Variants in CDH8 observed in about 807,000 individuals in gnomAD.
CDH8 encodes the protein cadherin 8.
CDH8 carries 17 observed loss-of-function variants against 68.1 expected under a neutral mutation model. The observed-to-expected ratio is 0.25, with a 90% confidence interval of 0.17 to 0.37. The LOEUF (loss-of-function observed/expected upper bound fraction) is 0.37. CDH8 is among the 10% of genes least tolerant of loss of function. The probability of loss-of-function intolerance (pLI) is 1.00; values close to 1 mark genes in which losing one functional copy is unlikely to be tolerated. For missense variants in CDH8, 763 were observed against 999.3 expected (o/e 0.76, Z 3.19); for synonymous variants, 372 against 365.1 (o/e 1.02, Z -0.21).
At chr16:61,661,008 A>C (rs2142754824) in intron 10 of CDH8, among the ~76,000 whole-genome samples, 1 of 152,156 alleles carries the variant, frequency 6.6e-6, no homozygotes, top group South Asian at 2.1e-4. Flanking sequence ...AGAGACAATA[A>C]GTATCTACTT....
chr16:61,960,043 ATATGTATGTATGTGTGTGTG>A (rs1965079398), intron 2 of CDH8, among the ~76,000 whole-genome samples: 1 of 133,096 alleles, frequency 7.5e-6, no homozygotes, highest in Non-Finnish European at 1.6e-5. Context: ...CACACAACAT[ATATGTATGTATGTGTGTGTG>A]TATACACATA....
chr16:61,922,292 T>C (rs548272101), intron 2 of CDH8, among the ~76,000 whole-genome samples: 2 of 152,194 alleles, frequency 1.3e-5, no homozygotes, highest in Admixed American at 6.5e-5. Flanking sequence ...ATATTTTCCA[T>C]GCAAATTTTG....
chr16:61,835,332 A>G (rs956054900), intron 4 of CDH8, among the ~76,000 whole-genome samples: 19 of 151,934 alleles, frequency 1.3e-4, no homozygotes, highest in African/African-American at 4.6e-4. Context: ...ACAGCTTCTT[A>G]ATTATCCCAC....
At chr16:61,875,052 G>C (rs930705013) in intron 3 of CDH8, among the ~76,000 whole-genome samples, 2 of 152,138 alleles carry the variant, frequency 1.3e-5, no homozygotes, top group Non-Finnish European at 2.9e-5. Flanking sequence ...AGCAAGTTAG[G>C]AAGTCCTTTA....
At chr16:61,869,143 C>T (rs1442178974) in intron 3 of CDH8, among the ~76,000 whole-genome samples, 3 of 152,136 alleles carry the variant, frequency 2.0e-5, no homozygotes, top group African/African-American at 7.2e-5. Flanking sequence ...TCTGTATTCT[C>T]ACTTCCTTAG....
At chr16:61,697,567 C>T (rs1394563142) in intron 10 of CDH8, among the ~76,000 whole-genome samples, 1 of 151,762 alleles carries the variant, frequency 6.6e-6, no homozygotes, top group African/African-American at 2.4e-5. Flanking sequence ...CATCTCGGCT[C>T]ACTGCAAGCT....
chr16:61,756,135 G>A (rs1403466713), intron 8 of CDH8, among the ~76,000 whole-genome samples: 2 of 152,026 alleles, frequency 1.3e-5, no homozygotes, highest in Non-Finnish European at 2.9e-5. Flanking sequence ...TAGAGATTTT[G>A]TAACCAAGTT....
chr16:62,002,959 G>A (rs921932404), intron 2 of CDH8, among the ~76,000 whole-genome samples: 4 of 152,194 alleles, frequency 2.6e-5, no homozygotes, highest in East Asian at 1.9e-4. Flanking sequence ...AAGCTGAGGC[G>A]GGAGAATGGC....
chr16:61,813,990 ATC>A (rs1286703962), intron 7 of CDH8, among the ~76,000 whole-genome samples: 4 of 152,182 alleles, frequency 2.6e-5, no homozygotes, highest in African/African-American at 9.6e-5. Flanking sequence ...ACCTAGATGA[ATC>A]TCTACTAAAA....
chr16:61,703,446 T>C (rs1964470185), intron 10 of CDH8, among the ~76,000 whole-genome samples: 1 of 152,200 alleles, frequency 6.6e-6, no homozygotes. Flanking sequence ...TACCAACATT[T>C]AAAACAAAGG....
chr16:61,852,951 T>C (rs1240862079), intron 4 of CDH8, among the ~76,000 whole-genome samples: 2 of 150,170 alleles, frequency 1.3e-5, no homozygotes, highest in Admixed American at 6.7e-5. Flanking sequence ...CCTTCACTAC[T>C]TACTGAAGGA....
chr16:61,842,083 A>G (rs1203313661), intron 4 of CDH8, among the ~76,000 whole-genome samples: 1 of 100,232 alleles, frequency 1.0e-5, no homozygotes, highest in Non-Finnish European at 2.0e-5. Context: ...TATTTTTTGT[A>G]TTTTTAGTAG....
At chr16:61,763,573 C>CA (rs1960518742) in intron 8 of CDH8, among the ~76,000 whole-genome samples, 2 of 152,148 alleles carry the variant, frequency 1.3e-5, no homozygotes, top group Admixed American at 6.6e-5. Flanking sequence ...GGATTTTCTT[C>CA]ATATTTATCT....
intron 9 of CDH8, among the ~76,000 whole-genome samples, chr16:61,717,255 A>G (rs554197886): frequency 1.3e-5 from 2 of 151,782 alleles, no homozygotes; most frequent in African/African-American, 4.8e-5. Flanking sequence ...AAAGCAAAAT[A>G]TATGTCTTTA....
At chr16:61,976,031 A>G (rs1474210672) in intron 2 of CDH8, among the ~76,000 whole-genome samples, 3 of 152,192 alleles carry the variant, frequency 2.0e-5, no homozygotes, top group Non-Finnish European at 4.4e-5. Flanking sequence ...ACTAACATAA[A>G]CATAATTGAC....
chr16:61,655,444 C>A, intron 11 of CDH8, 26 bp downstream of exon 11: 1 of 1,612,586 alleles, frequency 6.2e-7, no homozygotes, highest in Non-Finnish European at 8.5e-7. Flanking sequence ...AAAGGGTGAC[C>A]GGTAGGCTAT....
chr16:61,844,234 C>T (rs1249405640), intron 4 of CDH8, among the ~76,000 whole-genome samples: 3 of 132,190 alleles, frequency 2.3e-5, no homozygotes, highest in African/African-American at 8.8e-5. Context: ...AGTGAGAACA[C>T]ATGGACACAG....
intron 4 of CDH8, among the ~76,000 whole-genome samples, chr16:61,854,285 A>G (rs1963001031): frequency 6.6e-6 from 1 of 152,066 alleles, no homozygotes; most frequent in Admixed American, 6.6e-5. Flanking sequence ...ATCCAAGTCA[A>G]GACCCTGCTT....
intron 8 of CDH8, among the ~76,000 whole-genome samples, chr16:61,751,742 T>C (rs1258967335): frequency 6.6e-6 from 1 of 152,112 alleles, no homozygotes; most frequent in African/African-American, 2.4e-5. Flanking sequence ...CTCTCCACTT[T>C]TTGAAAACTG....
Sources: gnomAD v4.1 joint callset for allele counts (sites outside exome capture counted in the v4.1 genomes callset) on GRCh38, gnomAD v4.1.1 for gene constraint, MANE v1.5 for transcripts, NCBI Gene and HGNC (gene_info 2026-07-23, HGNC 2026-07-21) for gene names.